The following LHFPL6 variants were observed in gnomAD, a reference collection of about 807,000 sequenced individuals.
The protein encoded by LHFPL6 is LHFPL tetraspan subfamily member 6.
Under a neutral mutation model 20.6 loss-of-function variants are expected in LHFPL6, and 9 were observed. The observed-to-expected ratio is 0.44, with a 90% CI of 0.26 to 0.76. LHFPL6 has a LOEUF of 0.76. Among genes scored for constraint, LHFPL6 ranks in the 30% least tolerant of loss-of-function variants. The pLI is 0.20. For synonymous variants in LHFPL6, 105 were observed against 98.7 expected, an observed-to-expected ratio of 1.06 and a Z score of -0.38; for missense variants, 218 against 253.5, an observed-to-expected ratio of 0.86 and a Z score of 0.95.
chr13:39,463,055 C>T (rs1014773185), intron 2 of LHFPL6, among the ~76,000 whole-genome samples: 1 of 152,226 alleles, frequency 6.6e-6, no homozygotes, highest in Non-Finnish European at 1.5e-5. Flanking sequence ...TAGTCTTCCT[C>T]TACCTCACCC....
chr13:39,507,454 G>A (rs570025990), intron 2 of LHFPL6, among the ~76,000 whole-genome samples: 7 of 152,122 alleles, frequency 4.6e-5, no homozygotes, highest in Non-Finnish European at 1.0e-4. Flanking sequence ...TCAAAGGACT[G>A]CAGGCATTTC....
chr13:39,453,645 A>C (rs1179562439), intron 2 of LHFPL6, among the ~76,000 whole-genome samples: 1 of 152,224 alleles, frequency 6.6e-6, no homozygotes, highest in Non-Finnish European at 1.5e-5. Flanking sequence ...AGGCCACGCT[A>C]TTGGTAAGGG....
intron 2 of LHFPL6, among the ~76,000 whole-genome samples, chr13:39,440,134 C>G (rs558390410): frequency 1.3e-5 from 2 of 152,290 alleles, no homozygotes; most frequent in South Asian, 4.1e-4. Context: ...ATAACTGTAG[C>G]TCAGATGAGC....
chr13:39,538,346 C>T (rs1870692049), intron 2 of LHFPL6, among the ~76,000 whole-genome samples: 1 of 150,888 alleles, frequency 6.6e-6, no homozygotes, highest in Non-Finnish European at 1.5e-5. Context: ...AATTTAGTGT[C>T]ACTAATAGTG....
intron 2 of LHFPL6, among the ~76,000 whole-genome samples, chr13:39,592,287 G>T (rs1471634439): frequency 2.0e-5 from 3 of 152,088 alleles, no homozygotes; most frequent in Non-Finnish European, 2.9e-5. Context: ...AACATTATTA[G>T]ATATCACCAC....
chr13:39,359,906 C>T (rs1278384167), intron 3 of LHFPL6, among the ~76,000 whole-genome samples: 3 of 152,190 alleles, frequency 2.0e-5, no homozygotes, highest in African/African-American at 7.2e-5. Context: ...TTTGGACTCT[C>T]TTAAAAGTGG....
intron 2 of LHFPL6, among the ~76,000 whole-genome samples, chr13:39,560,537 C>T (rs546471935): frequency 5.2e-5 from 6 of 116,174 alleles, no homozygotes; most frequent in Non-Finnish European, 8.5e-5. Context: ...TTTTTTGAGA[C>T]GGCGTCTCCC....
At chr13:39,470,033 T>C (rs1253947621) in intron 2 of LHFPL6, among the ~76,000 whole-genome samples, 1 of 152,170 alleles carries the variant, frequency 6.6e-6, no homozygotes, top group Non-Finnish European at 1.5e-5. Flanking sequence ...AGAAGCAATA[T>C]GTATCTGCAG....
chr13:39,496,481 G>A (rs1490061966), intron 2 of LHFPL6, among the ~76,000 whole-genome samples: 1 of 152,190 alleles, frequency 6.6e-6, no homozygotes, highest in Non-Finnish European at 1.5e-5. Flanking sequence ...TTTATAAAAT[G>A]TGATGTAACA....
chr13:39,516,696 G>A (rs1869932434), intron 2 of LHFPL6, among the ~76,000 whole-genome samples: 1 of 152,178 alleles, frequency 6.6e-6, no homozygotes, highest in Non-Finnish European at 1.5e-5. Context: ...CTTGGCCAAG[G>A]CACTTGGCCT....
chr13:39,428,429 G>T (rs999310711), intron 2 of LHFPL6, among the ~76,000 whole-genome samples: 5 of 152,070 alleles, frequency 3.3e-5, no homozygotes, highest in Admixed American at 2.6e-4. Flanking sequence ...TCCTTTTGTT[G>T]TTTGTGTTTT....
At chr13:39,367,400 A>T (rs1483090595) in intron 3 of LHFPL6, among the ~76,000 whole-genome samples, 1 of 152,266 alleles carries the variant, frequency 6.6e-6, no homozygotes, top group Non-Finnish European at 1.5e-5. Flanking sequence ...AAAATGGCTT[A>T]AAAAATAAAA....
intron 2 of LHFPL6, among the ~76,000 whole-genome samples, chr13:39,396,189 A>T (rs1234702005): frequency 6.6e-6 from 1 of 152,080 alleles, no homozygotes; most frequent in African/African-American, 2.4e-5. Flanking sequence ...GATGCAGAGC[A>T]GAGATGTTGC....
chr13:39,441,823 C>CTT (rs1168860757), intron 2 of LHFPL6, among the ~76,000 whole-genome samples: 1,783 of 109,868 alleles, frequency 0.016, 35 homozygotes, highest in Middle Eastern at 0.024. Context: ...TGGGCTAAAA[C>CTT]TTTTTTTTTT....
At chr13:39,530,682 T>A (rs1490679738) in intron 2 of LHFPL6, among the ~76,000 whole-genome samples, 1 of 152,124 alleles carries the variant, frequency 6.6e-6, no homozygotes, top group Non-Finnish European at 1.5e-5. Flanking sequence ...TTCTTGACAC[T>A]TTGTACAAAA....
At chr13:39,572,340 A>G in intron 2 of LHFPL6, among the ~76,000 whole-genome samples, 1 of 147,948 alleles carries the variant, frequency 6.8e-6, no homozygotes, top group East Asian at 2.0e-4. Context: ...GACAGTCCCC[A>G]GTGAGAATCA....
chr13:39,368,206 C>A (rs954552589), intron 3 of LHFPL6, among the ~76,000 whole-genome samples: 1 of 151,192 alleles, frequency 6.6e-6, no homozygotes, highest in Non-Finnish European at 1.5e-5. Context: ...TTGTGCATAC[C>A]TGTAATCCCA....
intron 2 of LHFPL6, among the ~76,000 whole-genome samples, chr13:39,542,149 G>A (rs1870828100): frequency 7.0e-6 from 1 of 142,008 alleles, no homozygotes; most frequent in Admixed American, 7.0e-5. Context: ...AAATGCATGG[G>A]ACAGGTTACC....
intron 3 of LHFPL6, among the ~76,000 whole-genome samples, chr13:39,352,950 TATACATACATACACACACACAC>T (rs1869626800): frequency 2.9e-5 from 3 of 104,042 alleles, no homozygotes; most frequent in African/African-American, 4.4e-5. Flanking sequence ...TGTATATATA[TATACATACATACACACACACAC>T]ATATATATAT....
Sources: gnomAD v4.1 joint callset for allele counts (sites outside exome capture counted in the v4.1 genomes callset) on GRCh38, gnomAD v4.1.1 for gene constraint, MANE v1.5 for transcripts, NCBI Gene and HGNC (gene_info 2026-07-23, HGNC 2026-07-21) for gene names.